PIP5K1B: variants seen among roughly 807,000 people sequenced by gnomAD.
PIP5K1B encodes phosphatidylinositol-4-phosphate 5-kinase type 1 beta, also known as phosphatidylinositol 4-phosphate 5-kinase type-1 beta.
In PIP5K1B, 42 loss-of-function variants were observed where a neutral mutation model predicts 67.0. The ratio of observed to expected loss-of-function variants is 0.63; its 90% CI spans 0.49 to 0.81. The LOEUF (loss-of-function observed/expected upper bound fraction) is 0.81. Among genes scored for constraint, PIP5K1B ranks in the 30% least tolerant of loss-of-function variants. The pLI, the probability that PIP5K1B is intolerant of heterozygous loss-of-function variation, is 0.00. For missense variants in PIP5K1B, 459 were observed against 646.3 expected (o/e 0.71, Z 3.14); for synonymous variants, 214 against 231.4 (o/e 0.92, Z 0.68).
At chr9:68,729,124 G>A (rs962360547) in intron 1 of PIP5K1B, among the ~76,000 whole-genome samples, 2 of 152,104 alleles carry the variant, frequency 1.3e-5, no homozygotes, top group African/African-American at 4.8e-5. Flanking sequence ...TAGCTCTAAA[G>A]TAATAATTGC....
chr9:68,968,712 TA>T lies in PIP5K1B; in HGVS notation c.1503-22427del, dbSNP rs141636639. 3.6e-3 allele frequency among the ~76,000 whole-genome samples: 489 copies of T among 134,044 alleles called. 2 individuals are homozygous for T. The highest frequency in any genetic ancestry group is 9.8e-3 in the African/African-American group (357 of 36,384). 87.9% of individuals were successfully genotyped at this position (134,044 alleles called of 152,430 possible). ...GGATCCTTGTTTATATATATATATA[TA>T]TATTTTTTTTTTGCATGTGTTGACT... On this transcript the variant is annotated intron_variant, in intron 14 of 15. Transcript: ENST00000265382.
At chr9:68,709,641 A>C (rs568681486) in intron 1 of PIP5K1B, among the ~76,000 whole-genome samples, 3 of 152,300 alleles carry the variant, frequency 2.0e-5, no homozygotes, top group African/African-American at 7.2e-5. Flanking sequence ...GAAACTGTTC[A>C]AATAGAAACC....
intron 4 of PIP5K1B, among the ~76,000 whole-genome samples, chr9:68,858,564 G>A (rs1822902307): frequency 6.6e-6 from 1 of 152,216 alleles, no homozygotes; most frequent in Non-Finnish European, 1.5e-5. Context: ...GAAGCAGACA[G>A]GGAGTAATAT....
intron 1 of PIP5K1B, among the ~76,000 whole-genome samples, chr9:68,719,576 T>A (rs1477089001): frequency 6.6e-6 from 1 of 152,208 alleles, no homozygotes; most frequent in Non-Finnish European, 1.5e-5. Context: ...ATTTAAATGA[T>A]GCCCTTTTAT....
intron 12 of PIP5K1B, among the ~76,000 whole-genome samples, chr9:68,931,348 C>T (rs936363844): frequency 3.3e-5 from 5 of 152,160 alleles, no homozygotes; most frequent in African/African-American, 9.7e-5. Flanking sequence ...AACAAACACT[C>T]GTGCACCTAT....
intron 7 of PIP5K1B, among the ~76,000 whole-genome samples, chr9:68,893,793 A>C (rs973897592): frequency 6.6e-6 from 1 of 152,256 alleles, no homozygotes; most frequent in Non-Finnish European, 1.5e-5. Context: ...CTAAAAATAC[A>C]TAAGTAATCA....
chr9:68,974,185 G>C (rs1460735797), intron 14 of PIP5K1B, among the ~76,000 whole-genome samples: 2 of 152,088 alleles, frequency 1.3e-5, no homozygotes, highest in Non-Finnish European at 2.9e-5. Flanking sequence ...CTTCATTCTT[G>C]CTAAGATGGA....
At chr9:68,907,304 T>A (rs926639314) in intron 8 of PIP5K1B, among the ~76,000 whole-genome samples, 5 of 152,206 alleles carry the variant, frequency 3.3e-5, no homozygotes, top group Non-Finnish European at 7.3e-5. Flanking sequence ...CACAGGCCTC[T>A]CCATACTCAC....
At chr9:68,910,530 A>G (rs1198644023) in intron 8 of PIP5K1B, among the ~76,000 whole-genome samples, 2 of 152,226 alleles carry the variant, frequency 1.3e-5, no homozygotes, top group African/African-American at 2.4e-5. Context: ...ACATGTGGAA[A>G]GCAGTATAAC....
chr9:68,979,071 T>A (rs537367196), intron 14 of PIP5K1B, among the ~76,000 whole-genome samples: 2 of 152,244 alleles, frequency 1.3e-5, no homozygotes, highest in South Asian at 4.1e-4. Context: ...GATTTGTCAT[T>A]GGGAAATGGA....
chr9:68,914,487 G>A (rs535211925), intron 8 of PIP5K1B, among the ~76,000 whole-genome samples: 40 of 152,244 alleles, frequency 2.6e-4, no homozygotes, highest in East Asian at 5.8e-4. Flanking sequence ...AGGCTGAGGC[G>A]GGCAGATCAC....
At chr9:68,709,458 C>T (rs541957387) in intron 1 of PIP5K1B, among the ~76,000 whole-genome samples, 1 of 152,224 alleles carries the variant, frequency 6.6e-6, no homozygotes, top group African/African-American at 2.4e-5. Context: ...GTCTGTAACT[C>T]GTGGATTCAA....
rs1395687605 is a variant in PIP5K1B at position 68,894,472 on chromosome 9, A to G, written c.605A>G (p.Tyr202Cys). 1.9e-6 allele frequency: 3 copies of G among 1,614,066 alleles called. No homozygotes were observed. The highest frequency in any genetic ancestry group is 1.7e-6 in the Non-Finnish European group (2 of 1,180,016). ...LPRSMRMHFT[Y>C]DLKGSTYKRR... ...CGCTCCATGAGAATGCACTTTACATATGACTTGAAAGGCTCAACGTATAAG... is the reference window on the plus strand; with the variant it reads ...CGCTCCATGAGAATGCACTTTACATGTGACTTGAAAGGCTCAACGTATAAG... Residue 202 changes from tyrosine (Y) to cysteine (C), a missense_variant, in exon 8 of 16, where the codon TAT (tyrosine) becomes TGT (cysteine). Around this residue, in one of 2 missense-constraint regions of PIP5K1B, gnomAD observed 290 missense variants for 474.4 expected, o/e 0.61. Transcript: ENST00000265382.
chr9:69,001,211 T>C (rs1303608808), intron 15 of PIP5K1B, among the ~76,000 whole-genome samples: 1 of 151,894 alleles, frequency 6.6e-6, no homozygotes, highest in Non-Finnish European at 1.5e-5. Flanking sequence ...CCAGCCTGGG[T>C]GTGCAGCTTC....
At chr9:69,003,306 G>A (rs1830907652) in intron 15 of PIP5K1B, among the ~76,000 whole-genome samples, 2 of 152,008 alleles carry the variant, frequency 1.3e-5, no homozygotes, top group Admixed American at 6.6e-5. Flanking sequence ...AATGAAACAC[G>A]GGACTAAGCC....
At chr9:68,780,567 A>G in intron 2 of PIP5K1B, 1 of 1,614,190 alleles carries the variant, frequency 6.2e-7, no homozygotes, top group Non-Finnish European at 8.5e-7. Flanking sequence ...CGCCTCCCCC[A>G]AGCGCATCGA....
chr9:68,780,366 C>T (rs1437447819), intron 2 of PIP5K1B: 2 of 1,612,726 alleles, frequency 1.2e-6, no homozygotes, highest in Admixed American at 1.7e-5. Flanking sequence ...GTTCCCGAGC[C>T]GCCACGGCCT....
At position 68,917,732 on chromosome 9, in the gene PIP5K1B, A is replaced by G. The variant is rs1373308762; in HGVS notation, c.956A>G (p.Asp319Gly). 6.2e-6 allele frequency: 10 copies of G among 1,613,932 alleles called. No homozygotes were observed. The South Asian group carries it at 1.1e-4, about 18-fold the overall frequency. ...ATCCAGGGTCCAGGGAAATCTGGAG[A>G]TGGGATAATCACAGAGAACCCAGAC... Reference protein sequence around the residue: ...ESIQGPGKSGDGIITENPDTM... With the variant: ...ESIQGPGKSGGGIITENPDTM... Residue 319 changes from aspartate to glycine, a missense_variant, in exon 9 of 16, where the codon GAT becomes GGT. Physicochemically the swap from Asp to Gly is moderately conservative, Grantham distance 94. Around this residue, in one of 2 missense-constraint regions of PIP5K1B, gnomAD observed 290 missense variants for 474.4 expected, o/e 0.61. Transcript: ENST00000265382.
In PIP5K1B at chr9:68,917,615, T is replaced by G. The variant is rs1407760425; in HGVS notation, c.839T>G (p.Leu280Arg). ...LLGIHFLDHS[L>R]KEKEEETPQN... Reference sequence around the variant, plus strand: ...GGAATTCATTTCCTGGACCATTCCCTCAAAGAGAAAGAGGAGGAGACCCCA... The same window carrying G: ...GGAATTCATTTCCTGGACCATTCCCGCAAAGAGAAAGAGGAGGAGACCCCA... The change falls in exon 9 of 16, where the codon CTC (leucine) becomes CGC (arginine). Residue 280 changes from leucine (L) to arginine (R), a missense_variant. By Grantham distance (102) the Leu-to-Arg change is moderately radical. This residue lies in a region of PIP5K1B where 290 missense variants were observed against 474.4 expected (regional missense o/e 0.61). Transcript: ENST00000265382. 2 of 1,614,036 alleles carry G rather than the reference T, an allele frequency of 1.2e-6. No individual in the cohort carries two copies. Among genetic ancestry groups the G allele is most frequent in the Non-Finnish European group, 1.7e-6 (2 of 1,179,928 alleles).
Sources: gnomAD v4.1 joint callset for allele counts (sites outside exome capture counted in the v4.1 genomes callset) on GRCh38, gnomAD v4.1.1 for gene constraint, gnomAD v4.1.1 regional missense constraint, MANE v1.5 for transcripts, NCBI Gene and HGNC (gene_info 2026-07-23, HGNC 2026-07-21) for gene names.